FNIP1: variants seen among roughly 807,000 people sequenced by gnomAD.
FNIP1 encodes folliculin-interacting protein 1.
In FNIP1, 40 loss-of-function variants were observed where a neutral mutation model predicts 124.5. That is an observed-to-expected ratio of 0.32 (90% CI 0.25 to 0.42). The LOEUF (loss-of-function observed/expected upper bound fraction) is 0.42. Among genes scored for constraint, FNIP1 ranks in the 10% least tolerant of loss-of-function variants. The pLI is 1.00. For missense variants in FNIP1, 1,176 were observed against 1,403.7 expected, an observed-to-expected ratio of 0.84 and a Z score of 2.59; for synonymous variants, 472 against 470.6, an observed-to-expected ratio of 1.00 and a Z score of -0.04.
intron 15 of FNIP1, among the ~76,000 whole-genome samples, chr5:131,669,917 CA>C (rs11440510): frequency 1.3e-3 from 166 of 132,540 alleles, no homozygotes; most frequent in East Asian, 7.1e-3. Flanking sequence ...TACAATGAGT[CA>C]AAAAAAAAAA....
chr5:131,774,490 C>G (rs1253285255), intron 1 of FNIP1, among the ~76,000 whole-genome samples: 1 of 152,136 alleles, frequency 6.6e-6, no homozygotes, highest in East Asian at 1.9e-4. Flanking sequence ...AGTCACACAC[C>G]TATCTTTCAT....
chr5:131,725,193 T>G (rs1769818777), intron 3 of FNIP1, among the ~76,000 whole-genome samples: 1 of 152,188 alleles, frequency 6.6e-6, no homozygotes, highest in Non-Finnish European at 1.5e-5. Flanking sequence ...GGCTCTTTTT[T>G]GGTTCCATAT....
chr5:131,718,500 C>A (rs563407380), intron 5 of FNIP1, among the ~76,000 whole-genome samples: 1 of 152,330 alleles, frequency 6.6e-6, no homozygotes, highest in African/African-American at 2.4e-5. Flanking sequence ...ATCCTGACAC[C>A]AGGCCTGCCT....
intron 1 of FNIP1, among the ~76,000 whole-genome samples, chr5:131,792,275 C>T (rs1772432617): frequency 6.6e-6 from 1 of 151,962 alleles, no homozygotes; most frequent in African/African-American, 2.4e-5. Context: ...ATTCTCCTGC[C>T]TCAGCCTCCT....
At chr5:131,734,000 T>C (rs1770196464) in intron 2 of FNIP1, among the ~76,000 whole-genome samples, 3 of 152,200 alleles carry the variant, frequency 2.0e-5, no homozygotes, top group African/African-American at 7.2e-5. Context: ...ATTACCTCAA[T>C]TTCAGAGCCT....
At position 131,752,204 on chromosome 5, in the gene FNIP1, C is replaced by T. The variant is rs572509597; in HGVS notation, c.93-7514G>A. The stretch of plus-strand genomic sequence containing the variant: ...GACTACAGGTGCCAGCCACCACGTC[C>T]GGCTAATTTTTTGTATTTTTAGTAG... On this transcript the variant is annotated intron_variant, in intron 1 of 17. Transcript: ENST00000510461. 1.4e-4 allele frequency among the ~76,000 whole-genome samples: 22 copies of T among 152,106 alleles called. No individual in the cohort carries two copies. The East Asian group carries it at 3.7e-3, about 25-fold the overall frequency.
rs1475738645 is a variant in FNIP1, at chr5:131,717,061, A to G, written c.531-405T>C. Among the ~76,000 whole-genome samples, 3 of 152,000 alleles carry G rather than the reference A, an allele frequency of 2.0e-5. No individual in the cohort carries two copies. The South Asian group carries it at 6.2e-4, about 32-fold the overall frequency. On this transcript the variant is annotated intron_variant, in intron 5 of 17. Coordinates refer to ENST00000510461, the MANE Select transcript of FNIP1 (RefSeq NM_133372.3). ...GTGCAGGTTTGTTACATATGTATAC[A>G]TGTCCCATGTTGGTGTGCTGCACCC...
At chr5:131,687,566 T>G (rs762648624) in intron 11 of FNIP1, among the ~76,000 whole-genome samples, 1 of 152,226 alleles carries the variant, frequency 6.6e-6, no homozygotes, top group Non-Finnish European at 1.5e-5. Flanking sequence ...AGGGAAAAAC[T>G]GAAGGAACTG....
chr5:131,727,849 G>A (rs1270932276), intron 3 of FNIP1, among the ~76,000 whole-genome samples: 1 of 152,160 alleles, frequency 6.6e-6, no homozygotes, highest in African/African-American at 2.4e-5. Flanking sequence ...GCTTCCTTCA[G>A]GAGCTCTTGT....
At chr5:131,659,515 G>A (rs1021803197) in intron 15 of FNIP1, among the ~76,000 whole-genome samples, 3 of 152,222 alleles carry the variant, frequency 2.0e-5, no homozygotes, top group African/African-American at 7.2e-5. Context: ...CGGCCATGGT[G>A]GTAAAGCTGT....
chr5:131,794,124 C>T (rs925887837), intron 1 of FNIP1, among the ~76,000 whole-genome samples: 1 of 149,034 alleles, frequency 6.7e-6, no homozygotes, highest in African/African-American at 2.5e-5. Context: ...GGAGCCTACT[C>T]AGGAGGCTGA....
intron 5 of FNIP1, among the ~76,000 whole-genome samples, chr5:131,717,683 T>G (rs1211307602): frequency 6.6e-6 from 1 of 152,198 alleles, no homozygotes; most frequent in African/African-American, 2.4e-5. Flanking sequence ...AAGTACTTTA[T>G]GCTTTTAGTG....
In FNIP1 at chr5:131,642,246, T is replaced by G. The variant is rs1276832140; in HGVS notation, c.*2439A>C. On this transcript the variant is annotated 3_prime_UTR_variant, in exon 18 of 18. Transcript: ENST00000510461. Reference sequence around the variant, plus strand: ...TTTAAAGTAGCAGCAGCTCATTCCTTGGGCTTTGCGTAAGGAAAGAATGAC... The same window carrying G: ...TTTAAAGTAGCAGCAGCTCATTCCTGGGGCTTTGCGTAAGGAAAGAATGAC... The G allele has an allele frequency of 6.5e-6, 1 of 152,742 alleles. No individual in the cohort carries two copies. The highest frequency in any genetic ancestry group is 1.5e-5 in the Non-Finnish European group (1 of 68,038). 9.5% of individuals were successfully genotyped at this position (152,742 alleles called of 1,614,324 possible).
chr5:131,730,899 C>G lies in FNIP1; in HGVS notation c.354+5G>C. 3.1e-6 allele frequency: 5 copies of G among 1,592,760 alleles called. No individual in the cohort carries two copies. The highest frequency in any genetic ancestry group is 3.4e-6 in the Non-Finnish European group (4 of 1,170,924). ...TGAATAAATAAATGACATCAATGATCTTACCTGGTACTTAAGACACTGGTC... is the reference window on the plus strand; with the variant it reads ...TGAATAAATAAATGACATCAATGATGTTACCTGGTACTTAAGACACTGGTC... On this transcript the variant is annotated splice_donor_5th_base_variant and intron_variant, in intron 3 of 17. Transcript: ENST00000510461.
chr5:131,758,574 ATATT>A, intron 1 of FNIP1, among the ~76,000 whole-genome samples: 1 of 152,340 alleles, frequency 6.6e-6, no homozygotes, highest in African/African-American at 2.4e-5. Context: ...TGTATTTAGC[ATATT>A]TAAACGTTGG....
Position 131,796,454 on chromosome 5 carries a change from G to A in FNIP1, c.92+376C>T, listed in dbSNP as rs1306950730. ...GGAGGAGGGGAGAACTTCGCGGCCCGGAGTACGGCGGCTGAGGTCCAATCC... is the reference window on the plus strand; with the variant it reads ...GGAGGAGGGGAGAACTTCGCGGCCCAGAGTACGGCGGCTGAGGTCCAATCC... On this transcript the variant is annotated intron_variant, in intron 1 of 17. Coordinates refer to ENST00000510461, the MANE Select transcript of FNIP1 (RefSeq NM_133372.3). The A allele has an allele frequency of 1.4e-4, 33 of 232,506 alleles. 1 individual carries two copies. In the East Asian group the frequency reaches 3.0e-3, roughly 21 times the overall value. The allele number at this position is 232,506 out of a possible 1,614,324, so 14.4% of individuals were successfully genotyped here. A position where few individuals can be genotyped will look rare whatever the true frequency, so the allele number is the denominator to read the frequency against.
rs192717700 is a variant in FNIP1 at position 131,651,538 on chromosome 5, T to G, written c.3306+264A>C. Among the ~76,000 whole-genome samples the G allele has an allele frequency of 1.5e-4, 23 of 152,312 alleles. 1 individual carries two copies. The highest frequency in any genetic ancestry group is 6.8e-3 in the Middle Eastern group (2 of 294). On this transcript the variant is annotated intron_variant, in intron 16 of 17. Transcript: ENST00000510461. ...GTTTTCTCACTGTGTCCTCACATGGTGGAGACAGAACAATCTTTCTCTTCC... is the reference window on the plus strand; with the variant it reads ...GTTTTCTCACTGTGTCCTCACATGGGGGAGACAGAACAATCTTTCTCTTCC...
Position 131,651,675 on chromosome 5 carries a change from G to C in FNIP1, c.3306+127C>G, listed in dbSNP as rs1013978989. 4 of 806,290 alleles carry C rather than the reference G, an allele frequency of 5.0e-6. No homozygotes were observed. The African/African-American group carries it at 5.2e-5, about 11-fold the overall frequency. The allele number at this position is 806,290 out of a possible 1,614,324, so 49.9% of individuals were successfully genotyped here. A position where few individuals can be genotyped will look rare whatever the true frequency, so the allele number is the denominator to read the frequency against. ...CAAATACTGTCACACTGGGAATTAG[G>C]GCTTCAATATATGAGTTCGGGTAAT... On this transcript the variant is annotated intron_variant, in intron 16 of 17. Coordinates refer to ENST00000510461, the MANE Select transcript of FNIP1 (RefSeq NM_133372.3).
chr5:131,749,636 C>T (rs1226160876), intron 1 of FNIP1, among the ~76,000 whole-genome samples: 2 of 152,128 alleles, frequency 1.3e-5, no homozygotes, highest in African/African-American at 4.8e-5. Flanking sequence ...AGGTGATCCG[C>T]CTGCCTCGGC....
Sources: gnomAD v4.1 joint callset for allele counts (sites outside exome capture counted in the v4.1 genomes callset) on GRCh38, gnomAD v4.1.1 for gene constraint, MANE v1.5 for transcripts, NCBI Gene and HGNC (gene_info 2026-07-23, HGNC 2026-07-21) for gene names.